Variants in ZFHX4 observed in about 807,000 individuals in gnomAD.
The protein encoded by ZFHX4 is zinc finger homeobox 4, also known as zinc finger homeobox protein 4.
A neutral mutation model predicts 267.6 loss-of-function variants in ZFHX4; 56 were observed. The observed-to-expected ratio is 0.21, with a 90% CI of 0.17 to 0.26. ZFHX4 has a LOEUF of 0.26. Among genes scored for constraint, ZFHX4 ranks in the 10% least tolerant of loss-of-function variants. The pLI is 1.00. For missense variants in ZFHX4, 4,332 were observed against 4,420.0 expected, an observed-to-expected ratio of 0.98 and a Z score of 0.56; for synonymous variants, 1,778 against 1,665.6, an observed-to-expected ratio of 1.07 and a Z score of -1.64.
chr8:76,824,338 G>A (rs1298264004), intron 4 of ZFHX4, among the ~76,000 whole-genome samples: 1 of 152,176 alleles, frequency 6.6e-6, no homozygotes, highest in African/African-American at 2.4e-5. Context: ...TCCAATATTT[G>A]TGTACAGATG....
At chr8:76,844,056 A>AG (rs1247170874) in intron 6 of ZFHX4, among the ~76,000 whole-genome samples, 1 of 152,216 alleles carries the variant, frequency 6.6e-6, no homozygotes, top group Non-Finnish European at 1.5e-5. Context: ...CAATGTAAAA[A>AG]GAAGCCATAG....
chr8:76,819,865 A>G (rs1231197543), intron 4 of ZFHX4, among the ~76,000 whole-genome samples: 1 of 152,212 alleles, frequency 6.6e-6, no homozygotes, highest in Non-Finnish European at 1.5e-5. Flanking sequence ...CTTGCAAGCA[A>G]CTTGGGCAAA....
intron 3 of ZFHX4, among the ~76,000 whole-genome samples, chr8:76,736,083 C>T (rs909979230): frequency 6.6e-6 from 1 of 151,708 alleles, no homozygotes; most frequent in Non-Finnish European, 1.5e-5. Flanking sequence ...AAGCAAGATG[C>T]CATTAAAATC....
chr8:76,687,574 T>C (rs2131578417), intron 1 of ZFHX4, among the ~76,000 whole-genome samples: 2 of 152,306 alleles, frequency 1.3e-5, no homozygotes, highest in South Asian at 4.1e-4. Flanking sequence ...AGAAAAGAGT[T>C]TCTGCAGTAA....
chr8:76,706,943 C>T (rs754546636), intron 2 of ZFHX4, among the ~76,000 whole-genome samples: 44 of 152,188 alleles, frequency 2.9e-4, no homozygotes, highest in Non-Finnish European at 6.2e-4. Context: ...TTAACAAAAG[C>T]TAATTTGCAT....
intron 4 of ZFHX4, among the ~76,000 whole-genome samples, chr8:76,814,551 T>G (rs1197712248): frequency 2.0e-5 from 3 of 152,182 alleles, no homozygotes; most frequent in Admixed American, 1.3e-4. Context: ...TTACTAATAC[T>G]TTTGAAAAAC....
intron 4 of ZFHX4, among the ~76,000 whole-genome samples, chr8:76,779,505 A>T (rs1449581304): frequency 1.3e-5 from 2 of 152,160 alleles, no homozygotes; most frequent in African/African-American, 4.8e-5. Context: ...GAATCAGAAT[A>T]GAGCACAGAG....
chr8:76,786,597 T>C (rs1563521898), intron 4 of ZFHX4, among the ~76,000 whole-genome samples: 1 of 152,002 alleles, frequency 6.6e-6, no homozygotes, highest in Non-Finnish European at 1.5e-5. Flanking sequence ...GTGTACCAAG[T>C]TTTGGTTTAA....
intron 4 of ZFHX4, among the ~76,000 whole-genome samples, chr8:76,789,915 A>G (rs1810790220): frequency 6.6e-6 from 1 of 152,152 alleles, no homozygotes; most frequent in South Asian, 2.1e-4. Flanking sequence ...TCTGTAAATA[A>G]CTATTTGGAT....
chr8:76,832,125 G>A (rs1267277161), intron 4 of ZFHX4, among the ~76,000 whole-genome samples: 1 of 152,036 alleles, frequency 6.6e-6, no homozygotes, highest in African/African-American at 2.4e-5. Flanking sequence ...GCCTTGGTAT[G>A]CACTTCTATT....
At chr8:76,811,103 T>C (rs1333469604) in intron 4 of ZFHX4, among the ~76,000 whole-genome samples, 1 of 152,120 alleles carries the variant, frequency 6.6e-6, no homozygotes, top group Non-Finnish European at 1.5e-5. Flanking sequence ...GCCCACAAGC[T>C]AAACCCTCAT....
At chr8:76,694,041 C>G (rs1470267044) in intron 1 of ZFHX4, among the ~76,000 whole-genome samples, 1 of 152,168 alleles carries the variant, frequency 6.6e-6, no homozygotes, top group Non-Finnish European at 1.5e-5. Flanking sequence ...AGCCTGACCT[C>G]TTTTCTAGAA....
rs1227048887 is a variant in ZFHX4 at position 76,863,791 on chromosome 8, C to T, written c.10077C>T (p.Asn3359=). ...AAGTAGAAAGTGACCAGCCGCAAAA[C>T]TCCAACGATGCTTCAGAAACAAAGG... ...TSKVESDQPQ[N]SNDASETKED... Residue 3359 remains asparagine, a synonymous_variant, in exon 11 of 11, where the codon AAC becomes AAT. Coordinates refer to ENST00000651372, the MANE Select transcript of ZFHX4 (RefSeq NM_024721.5). 5.8e-6 allele frequency: 9 copies of T among 1,552,306 alleles called. No individual in the cohort carries two copies. The highest frequency in any genetic ancestry group is 7.8e-6 in the Non-Finnish European group (9 of 1,147,284).
rs763474363 is a variant in ZFHX4 at position 76,855,189 on chromosome 8, T to G, written c.8268T>G (p.Val2756=). Residue 2756 remains valine (V), a synonymous_variant, in exon 10 of 11, where the codon GTT becomes GTG. Transcript: ENST00000651372. ...TGGCTTCTACAGTGTCAACACCTGT[T>G]AGTAAAACAGCAGAGCTGTCACCGA... The part of the protein sequence containing the change: ...NELASTVSTP[V]SKTAELSPKN... The G allele has an allele frequency of 1.8e-5, 29 of 1,613,198 alleles. No individual in the cohort carries two copies. In the Admixed American group the frequency reaches 3.3e-4, roughly 19 times the overall value.
At position 76,849,666 on chromosome 8, in the gene ZFHX4, A is replaced by G. The variant is rs370151184; in HGVS notation, c.3800A>G (p.His1267Arg). Residue 1267 changes from histidine to arginine, a missense_variant, in exon 8 of 11, where the codon CAT becomes CGT. Physicochemically the swap from His to Arg is conservative, Grantham distance 29 (BLOSUM62 0). Transcript: ENST00000651372. ...NKMHLQLHLT[H>R]LHSVSPDCVE... is the part of the protein sequence containing the mutation. Reference sequence around the variant, plus strand: ...ATGCATCTCCAACTGCATCTGACGCATTTGCACAGTGTGTCTCCAGACTGT... The same window carrying G: ...ATGCATCTCCAACTGCATCTGACGCGTTTGCACAGTGTGTCTCCAGACTGT... The G allele has an allele frequency of 6.2e-7, 1 of 1,613,964 alleles. No individual in the cohort carries two copies. The highest frequency in any genetic ancestry group is 1.1e-5 in the South Asian group (1 of 91,084).
At chr8:76,769,498 G>A (rs996438278) in intron 3 of ZFHX4, among the ~76,000 whole-genome samples, 1 of 152,118 alleles carries the variant, frequency 6.6e-6, no homozygotes, top group Admixed American at 6.6e-5. Context: ...TACAGGCAAT[G>A]AGTCACTATG....
chr8:76,852,287 G>T lies in ZFHX4; in HGVS notation c.5366G>T (p.Gly1789Val), dbSNP rs746849642. Residue 1789 changes from glycine to valine, a missense_variant, in exon 10 of 11, where the codon GGT (glycine) becomes GTT (valine). Physicochemically the swap from Gly to Val is moderately radical, Grantham distance 109 (BLOSUM62 -3). This residue lies in a region of ZFHX4 where 1,371 missense variants were observed against 1,423.1 expected (regional missense o/e 0.96). Transcript: ENST00000651372. ...KQQIQTQHHV[G>V]QTQLQILQQQ... ...CAGATTCAAACCCAACATCACGTTG[G>T]TCAAACTCAACTCCAGATACTACAG... 16 of 1,569,184 alleles carry T rather than the reference G, an allele frequency of 1.0e-5. No homozygotes were observed. In the Admixed American group the frequency reaches 2.9e-4, roughly 28 times the overall value.
chr8:76,704,020 C>T (rs1585862283), intron 1 of ZFHX4, 23 bp from the exon 2 acceptor site: 4 of 1,450,946 alleles, frequency 2.8e-6, no homozygotes, highest in Non-Finnish European at 9.2e-7. Flanking sequence ...AAAATGGCTT[C>T]TCTCACCTTA....
chr8:76,834,974 T>A (rs1812032429), intron 5 of ZFHX4, among the ~76,000 whole-genome samples: 1 of 151,268 alleles, frequency 6.6e-6, no homozygotes, highest in African/African-American at 2.4e-5. Flanking sequence ...TTGTGGATGT[T>A]TGTAGCTTCT....
Sources: gnomAD v4.1 joint callset for allele counts (sites outside exome capture counted in the v4.1 genomes callset) on GRCh38, gnomAD v4.1.1 for gene constraint, gnomAD v4.1.1 regional missense constraint, MANE v1.5 for transcripts, NCBI Gene and HGNC (gene_info 2026-07-23, HGNC 2026-07-21) for gene names.